LIMCH1: variants seen among roughly 807,000 people sequenced by gnomAD.
LIMCH1 encodes the protein LIM and calponin homology domains 1, also known as LIM and calponin homology domains-containing protein 1.
A neutral mutation model predicts 176.5 loss-of-function variants in LIMCH1; 113 were observed. That is an observed-to-expected ratio of 0.64 (90% CI 0.55 to 0.75). LIMCH1 has a LOEUF of 0.75. Among genes scored for constraint, LIMCH1 ranks in the 30% least tolerant of loss-of-function variants. The pLI is 0.00. For missense variants in LIMCH1, 1,674 were observed against 1,814.9 expected (o/e 0.92, Z 1.41); for synonymous variants, 619 against 645.9 (o/e 0.96, Z 0.63).
intron 1 of LIMCH1, among the ~76,000 whole-genome samples, chr4:41,568,899 C>T (rs1200620618): frequency 6.6e-6 from 1 of 152,012 alleles, no homozygotes; most frequent in Non-Finnish European, 1.5e-5. Flanking sequence ...TTTTTCTTCT[C>T]TTTTTTTCTC....
At chr4:41,589,372 C>T (rs1055792736) in intron 1 of LIMCH1, among the ~76,000 whole-genome samples, 2 of 149,546 alleles carry the variant, frequency 1.3e-5, no homozygotes, top group African/African-American at 2.4e-5. Flanking sequence ...GAAGCCGCAT[C>T]GGGGGTGGTG....
intron 19 of LIMCH1, 60 bp from the exon 20 acceptor site, chr4:41,662,761 T>C (rs2094670858): frequency 1.3e-6 from 2 of 1,566,702 alleles, no homozygotes; most frequent in African/African-American, 1.4e-5. Flanking sequence ...GAATAAATGG[T>C]CCTATAGATA....
intron 1 of LIMCH1, among the ~76,000 whole-genome samples, chr4:41,410,770 C>T (rs1479707108): frequency 3.3e-5 from 5 of 152,170 alleles, no homozygotes; most frequent in African/African-American, 1.2e-4. Context: ...GTTCATTAGC[C>T]CATCTTCTGG....
At chr4:41,517,556 G>A (rs56343101) in intron 2 of LIMCH1, among the ~76,000 whole-genome samples, 138 of 152,238 alleles carry the variant, frequency 9.1e-4, no homozygotes, top group Non-Finnish European at 1.6e-3. Flanking sequence ...ATTCTGAACC[G>A]TGCATAGCAT....
intron 1 of LIMCH1, among the ~76,000 whole-genome samples, chr4:41,373,383 G>C (rs1461829367): frequency 6.6e-6 from 1 of 152,222 alleles, no homozygotes; most frequent in Non-Finnish European, 1.5e-5. Flanking sequence ...TGGGCTGCAG[G>C]AAAGCTGCAT....
intron 1 of LIMCH1, among the ~76,000 whole-genome samples, chr4:41,590,133 C>T (rs2087237199): frequency 6.6e-6 from 1 of 152,038 alleles, no homozygotes; most frequent in Non-Finnish European, 1.5e-5. Flanking sequence ...CTCGCTCTTG[C>T]CCAGGCTGGA....
intron 2 of LIMCH1, among the ~76,000 whole-genome samples, chr4:41,523,100 G>T (rs1226433837): frequency 6.6e-6 from 1 of 152,046 alleles, no homozygotes; most frequent in Non-Finnish European, 1.5e-5. Context: ...CTCAACATAT[G>T]AATATATGGT....
chr4:41,454,939 CATGTGTGT>C (rs1234953802), intron 1 of LIMCH1, among the ~76,000 whole-genome samples: 73 of 130,562 alleles, frequency 5.6e-4, no homozygotes, highest in African/African-American at 1.4e-3. Context: ...TGTATGCGTA[CATGTGTGT>C]GTGTGTGTGT....
At chr4:41,377,191 G>A (rs997564572) in intron 1 of LIMCH1, among the ~76,000 whole-genome samples, 1 of 152,152 alleles carries the variant, frequency 6.6e-6, no homozygotes, top group Non-Finnish European at 1.5e-5. Context: ...CTGTGGATTG[G>A]CTGCACTTGG....
chr4:41,452,227 T>G (rs7675614), intron 1 of LIMCH1, among the ~76,000 whole-genome samples: 42,628 of 152,238 alleles, frequency 0.28, 8,504 homozygotes, highest in African/African-American at 0.56. Context: ...TTTATGTAAA[T>G]TTATCAAATA....
intron 1 of LIMCH1, among the ~76,000 whole-genome samples, chr4:41,553,325 G>C (rs1404154512): frequency 1.3e-5 from 2 of 152,184 alleles, no homozygotes; most frequent in Admixed American, 1.3e-4. Flanking sequence ...TATTCACAAA[G>C]TGCTGTGGGA....
chr4:41,692,376 G>C lies in LIMCH1; in HGVS notation c.4370G>C (p.Arg1457Pro). The change falls in exon 31 of 32, where the codon CGA becomes CCA. Residue 1457 changes from arginine (R) to proline (P), a missense_variant. Arg to Pro is a moderately radical substitution (Grantham distance 103). This residue lies in a region of LIMCH1 where 1,015 missense variants were observed against 1,102.5 expected (regional missense o/e 0.92). Coordinates refer to ENST00000503057, the MANE Select transcript of LIMCH1 (RefSeq NM_001330672.2). The stretch of plus-strand genomic sequence containing the variant: ...CTGAACTGTAATGATTGCTACATGC[G>C]ATCCAGAAGTAAGTACTGGGGAGAA... Reference protein sequence around the residue: ...GLLNCNDCYMRSRSAGQPTTL With the variant: ...GLLNCNDCYMPSRSAGQPTTL 7 of 1,601,326 alleles carry C rather than the reference G, an allele frequency of 4.4e-6. No homozygotes were observed. The highest frequency in any genetic ancestry group is 6.0e-6 in the Non-Finnish European group (7 of 1,168,538).
chr4:41,392,715 A>G (rs2057372569), intron 1 of LIMCH1, among the ~76,000 whole-genome samples: 1 of 152,140 alleles, frequency 6.6e-6, no homozygotes, highest in Non-Finnish European at 1.5e-5. Flanking sequence ...AGTGAAATGG[A>G]AGGCTAAACT....
Position 41,676,414 on chromosome 4 carries a change from G to A in LIMCH1, c.3471G>A (p.Glu1157=), listed in dbSNP as rs1252956609. ...TCTGGGCATGGGACCCAGAAGAGGA[G>A]CGCAGGCGACAGGAAAAATGGCAAC... The part of the protein sequence containing the change: ...FKFWAWDPEE[E]RRRQEKWQQE... Residue 1157 remains glutamate (E), a synonymous_variant, in exon 23 of 32, where the codon GAG becomes GAA. Transcript: ENST00000503057. 7.4e-6 allele frequency: 12 copies of A among 1,613,926 alleles called. No homozygotes were observed. Among genetic ancestry groups the A allele is most frequent in the South Asian group, 1.1e-5 (1 of 91,076 alleles).
intron 1 of LIMCH1, among the ~76,000 whole-genome samples, chr4:41,399,840 A>ATTTTTTTTTTTTTTTTTTTTT (rs71198650): frequency 3.5e-5 from 4 of 114,134 alleles, no homozygotes; most frequent in African/African-American, 3.9e-5. Context: ...TGCCCGGCTA[A>ATTTTTTTTTTTTTTTTTTTTT]TTTTTTTTTT....
intron 2 of LIMCH1, among the ~76,000 whole-genome samples, chr4:41,501,119 T>C (rs1487945520): frequency 6.6e-6 from 1 of 152,184 alleles, no homozygotes; most frequent in African/African-American, 2.4e-5. Context: ...GAAAGACCAT[T>C]AATGGCCACT....
At chr4:41,688,394 G>A (rs1022582226) in intron 29 of LIMCH1, among the ~76,000 whole-genome samples, 2 of 152,144 alleles carry the variant, frequency 1.3e-5, no homozygotes, top group African/African-American at 4.8e-5. Flanking sequence ...TTTAAAAGCC[G>A]CCTGAATTCC....
rs2064906733 is a variant in LIMCH1 at position 41,458,609 on chromosome 4, AC to A, written c.97-35926del. ...GCCAACATGGTGAAACCCCGTCTCT[AC>A]TAAAAATACAAAAATTAGCTGGGCG... On this transcript the variant is annotated intron_variant, in intron 1 of 26. Coordinates refer to the LIMCH1 transcript ENST00000313860. Among the ~76,000 whole-genome samples the A allele has an allele frequency of 2.0e-5, 3 of 151,452 alleles. No individual in the cohort carries two copies. The South Asian group carries it at 6.2e-4, about 32-fold the overall frequency.
chr4:41,596,157 G>A (rs531071566), intron 1 of LIMCH1, among the ~76,000 whole-genome samples: 5 of 151,164 alleles, frequency 3.3e-5, no homozygotes, highest in South Asian at 4.2e-4. Flanking sequence ...ATCTCCATAC[G>A]TGCTCATAAA....
Sources: allele counts gnomAD v4.1 joint callset (sites outside exome capture counted in the v4.1 genomes callset), GRCh38; gene constraint gnomAD v4.1.1; regional missense constraint gnomAD v4.1.1; transcripts MANE v1.5; gene names NCBI Gene and HGNC (gene_info 2026-07-23, HGNC 2026-07-21).